The following FAM47E variants were observed in gnomAD, a reference collection of about 807,000 sequenced individuals.
The protein encoded by FAM47E is protein FAM47E.
A neutral mutation model predicts 41.6 loss-of-function variants in FAM47E; 32 were observed. The observed-to-expected ratio is 0.77, with a 90% confidence interval of 0.58 to 1.03. The LOEUF (loss-of-function observed/expected upper bound fraction) is 1.03, where lower values mean the gene tolerates loss of function less well. Among genes scored for constraint, FAM47E ranks in the 50% least tolerant of loss-of-function variants. The pLI, the probability that FAM47E is intolerant of heterozygous loss-of-function variation, is 0.00. For missense variants in FAM47E, 424 were observed against 485.4 expected (o/e 0.87, Z 1.19); for synonymous variants, 184 against 188.7 (o/e 0.98, Z 0.20).
chr4:76,269,023 A>G, intron 4 of FAM47E: 2 of 460,116 alleles, frequency 4.3e-6, no homozygotes, highest in Middle Eastern at 5.6e-4. Context: ...TTATGTTTAC[A>G]TCTCACATCA....
At chr4:76,242,613 A>G (rs939692235) in intron 2 of FAM47E, among the ~76,000 whole-genome samples, 8 of 152,196 alleles carry the variant, frequency 5.3e-5, no homozygotes, top group Non-Finnish European at 1.2e-4. Flanking sequence ...TATTATTTCT[A>G]TTGTCTAATA....
chr4:76,279,342 T>C (rs1735255956), intron 6 of FAM47E: 1 of 152,192 alleles, frequency 6.6e-6, no homozygotes, highest in African/African-American at 2.4e-5. Flanking sequence ...TGCTTTAAGG[T>C]ATCTAGAGTT....
At chr4:76,263,665 A>G in intron 2 of FAM47E, 39 bp from the exon 3 acceptor site, 2 of 1,539,770 alleles carry the variant, frequency 1.3e-6, no homozygotes, top group Non-Finnish European at 1.8e-6. Flanking sequence ...CTTCTTCAGC[A>G]TGTTTTTCTT....
chr4:76,219,810 C>T (rs527341400), intron 2 of FAM47E, among the ~76,000 whole-genome samples: 2 of 152,178 alleles, frequency 1.3e-5, no homozygotes, highest in South Asian at 2.1e-4. Flanking sequence ...ACCTGGTCCC[C>T]GCATGACTTC....
At chr4:76,263,881 C>G (rs1400936217) in intron 3 of FAM47E, 38 bp downstream of exon 3, 1 of 1,540,434 alleles carries the variant, frequency 6.5e-7, no homozygotes, top group Non-Finnish European at 8.8e-7. Flanking sequence ...ATTGCTGTCA[C>G]CTGATGAAAC....
exon 1 of FAM47E, chr4:76,214,416 A>G: frequency 2.4e-6 from 1 of 418,444 alleles, no homozygotes; most frequent in Non-Finnish European, 4.8e-6. Context: ...TTTCACGGAG[A>G]AGGAAACGGT....
At chr4:76,278,422 C>A in intron 6 of FAM47E, 198 bp downstream of exon 6, 1 of 520,332 alleles carries the variant, frequency 1.9e-6, no homozygotes, top group Non-Finnish European at 3.1e-6. Context: ...AATCTCCTGG[C>A]TTTGTGGTAG....
intron 1 of FAM47E, among the ~76,000 whole-genome samples, chr4:76,254,156 A>T: frequency 6.6e-6 from 1 of 151,900 alleles, no homozygotes; most frequent in Non-Finnish European, 1.5e-5. Context: ...AGAAAAAGAA[A>T]AGTGAAGAAA....
rs1001474301 is a variant in FAM47E at position 76,243,511 on chromosome 4, G to A, written c.82-20193G>A. Reference sequence around the variant, plus strand: ...TAACCCACAAAGCATTCTTTGAATTGTATCTCATTGCCACCAAGTAACTAT... The same window carrying A: ...TAACCCACAAAGCATTCTTTGAATTATATCTCATTGCCACCAAGTAACTAT... On this transcript the variant is annotated intron_variant, in intron 2 of 7. Transcript: ENST00000510197. Among the ~76,000 whole-genome samples the A allele has an allele frequency of 5.3e-5, 8 of 152,110 alleles. No individual in the cohort carries two copies. In the South Asian group the frequency reaches 6.2e-4, roughly 12 times the overall value.
chr4:76,253,804 G>A (rs1734071442), intron 1 of FAM47E, among the ~76,000 whole-genome samples: 3 of 76,124 alleles, frequency 3.9e-5, no homozygotes, highest in South Asian at 3.7e-4. Context: ...ACCCTGTCTC[G>A]AATTAAAAAA....
At chr4:76,229,032 T>A (rs1276945919) in intron 2 of FAM47E, among the ~76,000 whole-genome samples, 2 of 152,190 alleles carry the variant, frequency 1.3e-5, no homozygotes, top group East Asian at 1.9e-4. Flanking sequence ...TTCATTTTTT[T>A]AATTACTTTT....
chr4:76,218,016 G>A (rs1030029117), intron 2 of FAM47E, among the ~76,000 whole-genome samples: 4 of 152,198 alleles, frequency 2.6e-5, no homozygotes, highest in Non-Finnish European at 5.9e-5. Context: ...GTGTTAATGT[G>A]TTAAATATAA....
intron 3 of FAM47E, among the ~76,000 whole-genome samples, chr4:76,265,898 G>C (rs1426100045): frequency 6.6e-6 from 1 of 152,176 alleles, no homozygotes; most frequent in Non-Finnish European, 1.5e-5. Flanking sequence ...CAGATAATCT[G>C]TCCTTTCCTT....
rs1735450341 is a variant in FAM47E at position 76,283,598 on chromosome 4, T to C, written c.*140T>C. On this transcript the variant is annotated 3_prime_UTR_variant, in exon 8 of 8. Transcript: ENST00000424749. ...ACTTTGACTTGGCAACATCTGTAAATGTAATACCTGATGGTTATAAGCATT... is the reference window on the plus strand; with the variant it reads ...ACTTTGACTTGGCAACATCTGTAAACGTAATACCTGATGGTTATAAGCATT... The C allele has an allele frequency of 1.5e-5, 9 of 593,020 alleles. No individual in the cohort carries two copies. The South Asian group carries it at 1.7e-4, about 11-fold the overall frequency. 36.7% of individuals were successfully genotyped at this position (593,020 alleles called of 1,614,324 possible).
At chr4:76,264,821 C>G (rs1305814407) in intron 3 of FAM47E, among the ~76,000 whole-genome samples, 2 of 152,150 alleles carry the variant, frequency 1.3e-5, no homozygotes, top group Admixed American at 1.3e-4. Context: ...GTCTTGAACT[C>G]CTGGCCTCAA....
At chr4:76,278,336 C>G (rs11735514) in intron 6 of FAM47E, 112 bp downstream of exon 6, 158 of 1,168,648 alleles carry the variant, frequency 1.4e-4, no homozygotes, top group Non-Finnish European at 1.6e-4. Context: ...CCTGAAAGCC[C>G]TCCACCTTGC....
In FAM47E at chr4:76,278,141, C is replaced by A. The variant is rs866637847; in HGVS notation, c.943C>A (p.Gln315Lys). 1.2e-5 allele frequency: 18 copies of A among 1,550,260 alleles called. No individual in the cohort carries two copies. The highest frequency in any genetic ancestry group is 1.5e-5 in the Non-Finnish European group (17 of 1,146,546). The change falls in exon 6 of 8, where the codon CAA (glutamine) becomes AAA (lysine). Residue 315 changes from glutamine (Q) to lysine (K), a missense_variant. By Grantham distance (53) the Gln-to-Lys change is moderately conservative. Transcript: ENST00000424749. ...WYLNPKLWKK[Q>K]RVDEPLVDPE... Reference sequence around the variant, plus strand: ...TTTGAACCCCAAGTTGTGGAAAAAGCAAAGAGTAGACGAGCCTCTGGTTGA... The same window carrying A: ...TTTGAACCCCAAGTTGTGGAAAAAGAAAAGAGTAGACGAGCCTCTGGTTGA...
At chr4:76,236,991 G>A (rs1409695625) in intron 2 of FAM47E, among the ~76,000 whole-genome samples, 1 of 151,310 alleles carries the variant, frequency 6.6e-6, no homozygotes. Context: ...CGTCTCCCAG[G>A]TTCATGCCAT....
chr4:76,275,180 C>T (rs1478632347), intron 5 of FAM47E, among the ~76,000 whole-genome samples: 1 of 152,062 alleles, frequency 6.6e-6, no homozygotes, highest in African/African-American at 2.4e-5. Context: ...CTCCACATAC[C>T]CTCAGGCCTG....
Sources: gnomAD v4.1 joint callset for allele counts (sites outside exome capture counted in the v4.1 genomes callset) on GRCh38, gnomAD v4.1.1 for gene constraint, MANE v1.5 for transcripts, NCBI Gene and HGNC (gene_info 2026-07-23, HGNC 2026-07-21) for gene names.